CAMK2G: variants seen among roughly 807,000 people sequenced by gnomAD.
The protein encoded by CAMK2G is calcium/calmodulin-dependent protein kinase type II subunit gamma.
In CAMK2G, 23 loss-of-function variants were observed where a neutral mutation model predicts 88.7. That is an observed-to-expected ratio of 0.26 (90% CI 0.19 to 0.37). The LOEUF (loss-of-function observed/expected upper bound fraction) is 0.37. Ranked by LOEUF, CAMK2G falls within the 10% of genes least tolerant of loss-of-function variation. CAMK2G has a pLI of 1.00. For synonymous variants in CAMK2G, 263 were observed against 294.8 expected, an observed-to-expected ratio of 0.89 and a Z score of 1.11; for missense variants, 476 against 780.8, an observed-to-expected ratio of 0.61 and a Z score of 4.65.
chr10:73,858,911 G>A (rs903658741), intron 3 of CAMK2G, among the ~76,000 whole-genome samples: 5 of 152,122 alleles, frequency 3.3e-5, no homozygotes, highest in Admixed American at 6.6e-5. Context: ...CAACCCATCC[G>A]TGGTCAACCC....
rs778838628 is a variant in CAMK2G at position 73,833,909 on chromosome 10, GTTTTTTTTTTTTT to G, written c.1053+3546_1053+3558del. Among the ~76,000 whole-genome samples, 7 of 63,418 alleles carry G rather than the reference GTTTTTTTTTTTTT, an allele frequency of 1.1e-4. No individual in the cohort carries two copies. The East Asian group carries it at 2.1e-3, about 19-fold the overall frequency. 41.6% of individuals were successfully genotyped at this position (63,418 alleles called of 152,430 possible). On this transcript the variant is annotated intron_variant, in intron 14 of 22. Coordinates refer to ENST00000423381, the MANE Select transcript of CAMK2G (RefSeq NM_001367534.1). The stretch of plus-strand genomic sequence containing the variant: ...CCACCACACCTAGCCTATCTACTGG[GTTTTTTTTTTTTT>G]TTTTTTTTTTTTTTGAGACGGAGTC...
chr10:73,874,098 G>C (rs1219990044), intron 1 of CAMK2G, among the ~76,000 whole-genome samples: 2 of 150,462 alleles, frequency 1.3e-5, no homozygotes, highest in East Asian at 2.0e-4. Flanking sequence ...TGGTCGGGAG[G>C]GGGGCGCCTG....
At position 73,815,255 on chromosome 10, in the gene CAMK2G, G is replaced by GC; in HGVS notation, c.1535-9dup. 6.3e-7 allele frequency: 1 copy of GC among 1,593,940 alleles called. No individual in the cohort carries two copies. Among genetic ancestry groups the GC allele is most frequent in the Non-Finnish European group, 8.6e-7 (1 of 1,162,030 alleles). ...TGCTGTTCTTGGACAGGACTGCAGG[G>GC]CAGGGTGGGGTAGGTAAGAGGACAT... On this transcript the variant is annotated splice_polypyrimidine_tract_variant and intron_variant, in intron 21 of 22. Transcript: ENST00000423381.
chr10:73,840,309 G>A (rs911596594), intron 12 of CAMK2G, among the ~76,000 whole-genome samples: 5 of 152,208 alleles, frequency 3.3e-5, no homozygotes, highest in African/African-American at 4.8e-5. Context: ...TGGAGGCCCC[G>A]ATTCGCTGTT....
chr10:73,820,663 A>ATTTTTTTTTTTTTTTTTT (rs1198716305), intron 18 of CAMK2G, among the ~76,000 whole-genome samples: 3 of 46,128 alleles, frequency 6.5e-5, no homozygotes, highest in Non-Finnish European at 6.8e-5. Flanking sequence ...CACCCGGCTA[A>ATTTTTTTTTTTTTTTTTT]TTTTTTTTTT....
chr10:73,819,453 C>T lies in CAMK2G; in HGVS notation c.1363+79G>A, dbSNP rs17846947. ...ACCACGGGCAGGTGGGTGGGACTGA[C>T]AGCTGTGGTGGGGGTCCCTGAGGGG... On this transcript the variant is annotated intron_variant, in intron 19 of 22. Transcript: ENST00000423381. 2.6e-5 allele frequency: 26 copies of T among 985,670 alleles called. No homozygotes were observed. In the East Asian group the frequency reaches 6.0e-4, roughly 23 times the overall value. The allele number at this position is 985,670 out of a possible 1,614,324, so 61.1% of individuals were successfully genotyped here. A position where few individuals can be genotyped will look rare whatever the true frequency, so the allele number is the denominator to read the frequency against.
intron 4 of CAMK2G, chr10:73,852,582 T>C: frequency 2.1e-6 from 1 of 487,346 alleles, no homozygotes. Flanking sequence ...GAGATGAAGA[T>C]ACAGGGATCT....
chr10:73,870,378 A>G (rs1228235273), intron 2 of CAMK2G, among the ~76,000 whole-genome samples: 1 of 152,166 alleles, frequency 6.6e-6, no homozygotes, highest in East Asian at 1.9e-4. Context: ...ACAGTGCTCA[A>G]CGCATATCCG....
intron 3 of CAMK2G, 57 bp downstream of exon 3, chr10:73,860,773 T>A (rs2095337947): frequency 8.0e-7 from 1 of 1,249,058 alleles, no homozygotes; most frequent in Non-Finnish European, 1.2e-6. Context: ...GCAGTGGATA[T>A]CTGTTATCCC....
At chr10:73,830,791 T>C (rs984135613) in intron 14 of CAMK2G, among the ~76,000 whole-genome samples, 6 of 152,154 alleles carry the variant, frequency 3.9e-5, no homozygotes, top group Non-Finnish European at 7.3e-5. Flanking sequence ...AGAAGCTAAG[T>C]CCCCCAAATC....
intron 19 of CAMK2G, 26 bp downstream of exon 19, chr10:73,819,506 C>T (rs1246132684): frequency 6.7e-7 from 1 of 1,489,628 alleles, no homozygotes; most frequent in South Asian, 1.2e-5. Context: ...GAGACGGAAG[C>T]CAGAATGTGC....
chr10:73,849,580 C>T (rs1023320568), intron 5 of CAMK2G, among the ~76,000 whole-genome samples: 1 of 152,154 alleles, frequency 6.6e-6, no homozygotes. Context: ...TTCCTCTCAC[C>T]CCCTTTTGAC....
At chr10:73,853,501 T>C (rs2094797094) in intron 3 of CAMK2G, among the ~76,000 whole-genome samples, 1 of 152,066 alleles carries the variant, frequency 6.6e-6, no homozygotes, top group Admixed American at 6.5e-5. Flanking sequence ...GAAGTCAAGA[T>C]GGAGAAAAGC....
chr10:73,874,129 C>T (rs1474163894), intron 1 of CAMK2G, among the ~76,000 whole-genome samples: 3 of 140,388 alleles, frequency 2.1e-5, no homozygotes, highest in Admixed American at 1.4e-4. Context: ...AGGGGCGGGG[C>T]TGGAGGGCAC....
intron 5 of CAMK2G, among the ~76,000 whole-genome samples, chr10:73,851,075 G>C (rs2135032643): frequency 6.6e-6 from 1 of 152,274 alleles, no homozygotes; most frequent in Non-Finnish European, 1.5e-5. Flanking sequence ...TCCCCTGCTG[G>C]CACTGGAATT....
At chr10:73,874,358 C>A (rs1555093844) in intron 1 of CAMK2G, 39 bp downstream of exon 1, 1 of 1,388,020 alleles carries the variant, frequency 7.2e-7, no homozygotes, top group Non-Finnish European at 9.6e-7. Flanking sequence ...AGCTCCCGGG[C>A]GGCAGGGCAG....
intron 2 of CAMK2G, among the ~76,000 whole-genome samples, chr10:73,862,325 A>T (rs1458444688): frequency 1.9e-5 from 2 of 105,072 alleles, no homozygotes; most frequent in East Asian, 6.2e-4. Context: ...TTCCCAATGC[A>T]CTTCTCACGA....
At position 73,828,132 on chromosome 10, in the gene CAMK2G, C is replaced by T. The variant is rs2091564097; in HGVS notation, c.1054-11G>A. The T allele has an allele frequency of 6.2e-7, 1 of 1,611,508 alleles. No individual in the cohort carries two copies. The highest frequency in any genetic ancestry group is 8.5e-7 in the Non-Finnish European group (1 of 1,177,756). On this transcript the variant is annotated splice_polypyrimidine_tract_variant and intron_variant, in intron 14 of 22. Transcript: ENST00000423381. The stretch of plus-strand genomic sequence containing the variant: ...ACTCGACTTCCTTTTCTGGACACAC[C>T]ACAGCAAGAGGGAAAGAGAAGGGGA...
chr10:73,837,331 G>C lies in CAMK2G; in HGVS notation c.1053+137C>G, dbSNP rs1050039855. ...AGGCCAGCAGAACCTTCTGTTCTGAGCACAAAGGCATCTGGTTTAAAGCAG... is the reference window on the plus strand; with the variant it reads ...AGGCCAGCAGAACCTTCTGTTCTGACCACAAAGGCATCTGGTTTAAAGCAG... On this transcript the variant is annotated intron_variant, in intron 14 of 22. Coordinates refer to ENST00000423381, the MANE Select transcript of CAMK2G (RefSeq NM_001367534.1). The C allele has an allele frequency of 3.0e-4, 237 of 783,258 alleles. No homozygotes were observed. In the East Asian group the frequency reaches 5.4e-3, roughly 18 times the overall value. The allele number at this position is 783,258 out of a possible 1,614,324, so 48.5% of individuals were successfully genotyped here.
Sources: gnomAD v4.1 joint callset for allele counts (sites outside exome capture counted in the v4.1 genomes callset) on GRCh38, gnomAD v4.1.1 for gene constraint, MANE v1.5 for transcripts, NCBI Gene and HGNC (gene_info 2026-07-23, HGNC 2026-07-21) for gene names.